STPG1: variants seen among roughly 807,000 people sequenced by gnomAD.
STPG1 encodes O(6)-methylguanine-induced apoptosis 2.
In STPG1, 33 loss-of-function variants were observed where a neutral mutation model predicts 40.1. The observed-to-expected ratio is 0.82, with a 90% confidence interval of 0.62 to 1.10. The LOEUF is 1.10. Ranked by LOEUF, STPG1 falls within the 50% of genes least tolerant of loss-of-function variation. The probability of loss-of-function intolerance (pLI) is 0.00; values close to 1 mark genes in which losing one functional copy is unlikely to be tolerated. For synonymous variants in STPG1, 150 were observed against 155.0 expected (o/e 0.97, Z 0.24); for missense variants, 396 against 415.1 (o/e 0.95, Z 0.40).
chr1:24,364,803 C>T (rs1475673520), intron 7 of STPG1, among the ~76,000 whole-genome samples: 1 of 152,200 alleles, frequency 6.6e-6, no homozygotes, highest in East Asian at 1.9e-4. Context: ...CCAACCTGGC[C>T]CTGCCCCGTG....
intron 2 of STPG1, among the ~76,000 whole-genome samples, chr1:24,400,115 AAC>A (rs1643162193): frequency 6.6e-6 from 1 of 152,248 alleles, no homozygotes; most frequent in Non-Finnish European, 1.5e-5. Flanking sequence ...CCAAACTGGA[AAC>A]AACCTAAATG....
chr1:24,393,707 C>T (rs932697044), intron 2 of STPG1, among the ~76,000 whole-genome samples: 1 of 151,980 alleles, frequency 6.6e-6, no homozygotes, highest in Non-Finnish European at 1.5e-5. Flanking sequence ...CTATTTCTTA[C>T]CAAAACAGGA....
At chr1:24,408,144 T>C (rs1280472784) in intron 1 of STPG1, among the ~76,000 whole-genome samples, 1 of 152,262 alleles carries the variant, frequency 6.6e-6, no homozygotes, top group Non-Finnish European at 1.5e-5. Context: ...CATCTGACCC[T>C]TTCAAGCTTT....
chr1:24,358,388 A>C lies in STPG1; in HGVS notation c.*155T>G. The C allele has an allele frequency of 1.4e-6, 1 of 735,510 alleles. No homozygotes were observed. Among genetic ancestry groups the C allele is most frequent in the Non-Finnish European group, 2.5e-6 (1 of 401,378 alleles). 45.6% of individuals were successfully genotyped at this position (735,510 alleles called of 1,614,324 possible). On this transcript the variant is annotated 3_prime_UTR_variant, in exon 9 of 9. Transcript: ENST00000337248. ...TCCAGCTCAAGACAAAGGCAATGGCAGCAGTCCGGCTAGGATGCCAGGCCA... is the reference window on the plus strand; with the variant it reads ...TCCAGCTCAAGACAAAGGCAATGGCCGCAGTCCGGCTAGGATGCCAGGCCA...
chr1:24,359,195 C>G lies in STPG1; in HGVS notation c.929-576G>C, dbSNP rs1569952248. Among the ~76,000 whole-genome samples the G allele has an allele frequency of 6.6e-6, 1 of 152,184 alleles. No individual in the cohort carries two copies. The highest frequency in any genetic ancestry group is 2.4e-5 in the African/African-American group (1 of 41,438). On this transcript the variant is annotated intron_variant, in intron 8 of 8. Coordinates refer to ENST00000337248, the MANE Select transcript of STPG1 (RefSeq NM_001199013.2). This position sits in a 1 kb window ranked among gnomAD's most constrained non-coding sequence, Gnocchi z 5.3. ...TTACTGGAAGCTGAGCAGGCAGATG[C>G]CGGCACGTGCACGTGCCCAGGAAAC...
intron 1 of STPG1, among the ~76,000 whole-genome samples, chr1:24,413,473 C>T (rs374012933): frequency 6.6e-6 from 1 of 152,258 alleles, no homozygotes; most frequent in African/African-American, 2.4e-5. Context: ...GTGGAAACAC[C>T]GAGGACACGC....
Position 24,358,185 on chromosome 1 carries a change from A to C in STPG1, c.*358T>G, listed in dbSNP as rs1435306925. On this transcript the variant is annotated 3_prime_UTR_variant, in exon 9 of 9. Transcript: ENST00000337248. ...GCTTGGCCACCTTCAGGGTGGACTG[A>C]TCCTCCTTGAAGTCTGCGCTTCAGG... 1 of 518,672 alleles carries C rather than the reference A, an allele frequency of 1.9e-6. No individual in the cohort carries two copies. Among genetic ancestry groups the C allele is most frequent in the Admixed American group, 2.3e-5 (1 of 44,370 alleles). The allele number at this position is 518,672 out of a possible 1,614,324, so 32.1% of individuals were successfully genotyped here.
chr1:24,406,645 T>C (rs1171660036), intron 1 of STPG1, among the ~76,000 whole-genome samples: 2 of 152,164 alleles, frequency 1.3e-5, no homozygotes, highest in Non-Finnish European at 2.9e-5. Context: ...TATAGAATTA[T>C]GGGTTCATAG....
intron 5 of STPG1, among the ~76,000 whole-genome samples, chr1:24,377,430 A>C (rs1452929186): frequency 1.3e-5 from 2 of 151,796 alleles, no homozygotes; most frequent in East Asian, 1.9e-4. Context: ...TACACTAGCC[A>C]CTCAACCTTC....
intron 7 of STPG1, among the ~76,000 whole-genome samples, chr1:24,363,188 A>G (rs1641234244): frequency 6.6e-6 from 1 of 152,248 alleles, no homozygotes; most frequent in African/African-American, 2.4e-5. Flanking sequence ...CAGCCTGCAG[A>G]AGGCTGGAGC....
intron 5 of STPG1, among the ~76,000 whole-genome samples, chr1:24,375,805 A>G (rs1015165493): frequency 2.6e-5 from 4 of 152,182 alleles, no homozygotes; most frequent in Admixed American, 2.0e-4. Context: ...AAAGCAACTG[A>G]AAAAGGGAGC....
intron 6 of STPG1, among the ~76,000 whole-genome samples, chr1:24,370,498 A>G (rs1641686159): frequency 6.6e-6 from 1 of 151,072 alleles, no homozygotes; most frequent in Non-Finnish European, 1.5e-5. Flanking sequence ...TTAAAAAAAA[A>G]ATTTTTTTTT....
At chr1:24,392,280 A>G (rs1642805638) in intron 2 of STPG1, among the ~76,000 whole-genome samples, 1 of 152,220 alleles carries the variant, frequency 6.6e-6, no homozygotes, top group African/African-American at 2.4e-5. Context: ...GTATACATGC[A>G]TGTCTGATGT....
In STPG1 at chr1:24,401,154, A is replaced by G. The variant is rs188837870; in HGVS notation, c.70+165T>C. ...ATCCTTTCTTCTCAGTTTCTTCCCA[A>G]TCGTCACACTTGAAACAGTAGGGCC... On this transcript the variant is annotated intron_variant, in intron 2 of 8. Coordinates refer to ENST00000337248, the MANE Select transcript of STPG1 (RefSeq NM_001199013.2). 2.4e-4 allele frequency: 116 copies of G among 489,910 alleles called. No homozygotes were observed. In the East Asian group the frequency reaches 3.3e-3, roughly 14 times the overall value. 30.3% of individuals were successfully genotyped at this position (489,910 alleles called of 1,614,324 possible).
intron 3 of STPG1, 51 bp downstream of exon 3, chr1:24,391,487 CAGACAGAACGTGCCTGTCCCGCA>C: frequency 1.1e-6 from 1 of 944,804 alleles, no homozygotes; most frequent in East Asian, 2.7e-5. Context: ...ACACAGCAGC[CAGACAGAACGTGCCTGTCCCGCA>C]AGGCTAAAAT....
chr1:24,383,945 C>G lies in STPG1; in HGVS notation c.248G>C (p.Ser83Thr). 1 of 1,614,076 alleles carries G rather than the reference C, an allele frequency of 6.2e-7. No homozygotes were observed. Among genetic ancestry groups the G allele is most frequent in the Non-Finnish European group, 8.5e-7 (1 of 1,179,896 alleles). The change falls in exon 4 of 9, where the codon AGT becomes ACT. Residue 83 changes from serine to threonine, a missense_variant. Coordinates refer to ENST00000337248, the MANE Select transcript of STPG1 (RefSeq NM_001199013.2). ...AGTTCCTTTCTTGGACAATGAGACA[C>G]TGTTGGACACCGGTGACTGGTGAAT... Reference protein sequence around the residue: ...NVIHQSPVSNSVSLSKKGTCM... With the variant: ...NVIHQSPVSNTVSLSKKGTCM...
In STPG1 at chr1:24,361,654, G is replaced by A. The variant is rs566298789; in HGVS notation, c.738-613C>T. 5.6e-4 allele frequency among the ~76,000 whole-genome samples: 85 copies of A among 152,192 alleles called. 1 individual carries two copies. The highest frequency in any genetic ancestry group is 6.8e-3 in the Middle Eastern group (2 of 294). On this transcript the variant is annotated intron_variant, in intron 7 of 8. Transcript: ENST00000337248. ...CAGGAGGCAGGAGTGGAAAAGCACC[G>A]GGCTGGAAATCAAGAGACTCTGCAT... is the stretch of plus-strand genomic sequence containing the variant.
In STPG1 at chr1:24,357,885, G is replaced by A. The variant is rs1293260661; in HGVS notation, c.*658C>T. On this transcript the variant is annotated 3_prime_UTR_variant, in exon 9 of 9. Transcript: ENST00000337248. Reference sequence around the variant, plus strand: ...AAAGTCAGGGAAAAGCGCAGCCCCCGGGCCCGGCCACTGCCATTCCAAGAT... The same window carrying A: ...AAAGTCAGGGAAAAGCGCAGCCCCCAGGCCCGGCCACTGCCATTCCAAGAT... 3.8e-5 allele frequency: 12 copies of A among 315,538 alleles called. No homozygotes were observed. The highest frequency in any genetic ancestry group is 6.2e-5 in the Non-Finnish European group (10 of 160,214). The allele number at this position is 315,538 out of a possible 1,614,324, so 19.5% of individuals were successfully genotyped here.
At chr1:24,414,334 C>T, upstream of STPG1, 1 of 151,562 alleles carries the variant, frequency 6.6e-6, no homozygotes, top group Middle Eastern at 3.4e-3. Context: ...GCGTGAGCCA[C>T]CACGCCCGGC....
Sources: allele counts gnomAD v4.1 joint callset (sites outside exome capture counted in the v4.1 genomes callset), GRCh38; gene constraint gnomAD v4.1.1; non-coding constraint Gnocchi (gnomAD v3.1); transcripts MANE v1.5; gene names NCBI Gene and HGNC (gene_info 2026-07-23, HGNC 2026-07-21).